B4GALT6: variants seen among roughly 807,000 people sequenced by gnomAD.
The protein encoded by B4GALT6 is beta-1,4-galactosyltransferase 6.
Under a neutral mutation model 46.3 loss-of-function variants are expected in B4GALT6, and 14 were observed. The ratio of observed to expected loss-of-function variants is 0.30; its 90% CI spans 0.20 to 0.47. The LOEUF (loss-of-function observed/expected upper bound fraction) is 0.47, where lower values mean the gene tolerates loss of function less well. Ranked by LOEUF, B4GALT6 falls within the 20% of genes least tolerant of loss-of-function variation. The pLI, the probability that B4GALT6 is intolerant of heterozygous loss-of-function variation, is 0.99. For missense variants in B4GALT6, 386 were observed against 480.1 expected, an observed-to-expected ratio of 0.80 and a Z score of 1.83; for synonymous variants, 168 against 162.0, an observed-to-expected ratio of 1.04 and a Z score of -0.28.
the B4GALT6 span, among the ~76,000 whole-genome samples, chr18:31,712,839 T>C: frequency 2.6e-5 from 4 of 152,228 alleles, no homozygotes; most frequent in Non-Finnish European, 5.9e-5. Context: ...GCGAACATCA[T>C]CTTGACAAGC....
rs34683195 is a variant in B4GALT6, at chr18:31,625,628, T to C, written c.1135A>G (p.Ile379Val). The stretch of plus-strand genomic sequence containing the variant: ...AGCCACTTCTTTTAATAGTCTTCGA[T>C]TGGAGCTAACTCTGGCATGAGGTTT... ...SVNLMPELAPIEDY is the reference protein window; with the variant it reads ...SVNLMPELAPVEDY Residue 379 changes from isoleucine to valine, a missense_variant, in exon 9 of 9, where the codon ATC (isoleucine) becomes GTC (valine). Transcript: ENST00000306851. The C allele has an allele frequency of 0.036, 57,471 of 1,613,196 alleles. 1,149 individuals carry two copies. The highest frequency in any genetic ancestry group is 0.053 in the Middle Eastern group (324 of 6,062).
At chr18:31,640,193 TGTGA>T (rs2073912418) in intron 4 of B4GALT6, among the ~76,000 whole-genome samples, 1 of 152,076 alleles carries the variant, frequency 6.6e-6, no homozygotes, top group Non-Finnish European at 1.5e-5. Context: ...AACAGAATAT[TGTGA>T]AAGAATATTA....
At chr18:31,626,947 T>C in intron 7 of B4GALT6, 52 bp downstream of exon 7, 1 of 1,505,296 alleles carries the variant, frequency 6.6e-7, no homozygotes. Flanking sequence ...TTACCTAATA[T>C]AAATAAGATT....
At chr18:31,644,713 G>C (rs1241804244) in intron 4 of B4GALT6, among the ~76,000 whole-genome samples, 3 of 152,112 alleles carry the variant, frequency 2.0e-5, no homozygotes, top group Non-Finnish European at 4.4e-5. Context: ...AGCAGCAGAG[G>C]CAAACCCACC....
intron 4 of B4GALT6, among the ~76,000 whole-genome samples, chr18:31,641,806 T>G (rs952061018): frequency 7.2e-5 from 11 of 152,220 alleles, no homozygotes; most frequent in African/African-American, 2.7e-4. Context: ...ATGCACCATT[T>G]TTTCCCTTGC....
chr18:31,661,413 T>A (rs1285229823), intron 2 of B4GALT6, among the ~76,000 whole-genome samples: 1 of 152,212 alleles, frequency 6.6e-6, no homozygotes, highest in Non-Finnish European at 1.5e-5. Flanking sequence ...TATTACATTA[T>A]ACCCTTTTCT....
intron 1 of B4GALT6, among the ~76,000 whole-genome samples, chr18:31,678,798 T>C (rs2074446391): frequency 6.6e-6 from 1 of 152,220 alleles, no homozygotes; most frequent in South Asian, 2.1e-4. Context: ...ATGCCCAAGT[T>C]TCCCCTGGCC....
intron 3 of B4GALT6, among the ~76,000 whole-genome samples, chr18:31,651,259 A>G (rs2074063365): frequency 6.6e-6 from 1 of 152,136 alleles, no homozygotes; most frequent in Non-Finnish European, 1.5e-5. Context: ...TTTACCTAAT[A>G]AACAGCACTA....
chr18:31,701,878 A>G, the B4GALT6 span, among the ~76,000 whole-genome samples: 1 of 152,200 alleles, frequency 6.6e-6, no homozygotes, highest in African/African-American at 2.4e-5. Context: ...AATATTTAAA[A>G]AAGCACTTAC....
chr18:31,677,295 A>G (rs1469708756), intron 1 of B4GALT6, among the ~76,000 whole-genome samples: 1 of 152,218 alleles, frequency 6.6e-6, no homozygotes, highest in Non-Finnish European at 1.5e-5. Context: ...TAACTCTCCT[A>G]TTTCAACTGA....
intron 5 of B4GALT6, among the ~76,000 whole-genome samples, chr18:31,636,343 G>C (rs2073858509): frequency 6.6e-6 from 1 of 152,136 alleles, no homozygotes; most frequent in Non-Finnish European, 1.5e-5. Flanking sequence ...GCAAGCCATA[G>C]ACTATATTTG....
rs549682833 is a variant in B4GALT6, at chr18:31,663,371, C to T, written c.232+2885G>A. Among the ~76,000 whole-genome samples the T allele has an allele frequency of 2.6e-5, 4 of 152,324 alleles. No individual in the cohort carries two copies. The South Asian group carries it at 8.3e-4, about 32-fold the overall frequency. The stretch of plus-strand genomic sequence containing the variant: ...GGGTTATTTCCAACAAACCTATCCA[C>T]TCTAACATTGCATGGCCCTTATCTG... On this transcript the variant is annotated intron_variant, in intron 2 of 8. Coordinates refer to ENST00000306851, the MANE Select transcript of B4GALT6 (RefSeq NM_004775.5).
chr18:31,625,835 A>G (rs1317175886), intron 8 of B4GALT6, 74 bp from the exon 9 acceptor site: 1 of 1,280,796 alleles, frequency 7.8e-7, no homozygotes, highest in African/African-American at 1.5e-5. Flanking sequence ...GACTGTGTTC[A>G]AGGTCATCTT....
rs2073642575 is a variant in B4GALT6, at chr18:31,623,340, A to C, written c.*2274T>G. Reference sequence around the variant, plus strand: ...AAAACAAACAAACAAAAAGCAAACGAGGTGGTTTTCACAGGATGACAAACT... The same window carrying C: ...AAAACAAACAAACAAAAAGCAAACGCGGTGGTTTTCACAGGATGACAAACT... On this transcript the variant is annotated 3_prime_UTR_variant, in exon 9 of 9. Transcript: ENST00000306851. 6.6e-6 allele frequency: 1 copy of C among 152,570 alleles called. No individual in the cohort carries two copies. The highest frequency in any genetic ancestry group is 2.4e-5 in the African/African-American group (1 of 41,574). The allele number at this position is 152,570 out of a possible 1,614,324, so 9.5% of individuals were successfully genotyped here.
At chr18:31,670,669 ATGG>A (rs1598922161) in intron 1 of B4GALT6, among the ~76,000 whole-genome samples, 1 of 152,340 alleles carries the variant, frequency 6.6e-6, no homozygotes, top group East Asian at 1.9e-4. Flanking sequence ...CAGCATGAGA[ATGG>A]TTCCAATTGT....
At chr18:31,679,788 A>G (rs2074458724) in intron 1 of B4GALT6, among the ~76,000 whole-genome samples, 1 of 152,206 alleles carries the variant, frequency 6.6e-6, no homozygotes, top group South Asian at 2.1e-4. Flanking sequence ...CAAAGACGTG[A>G]CTTTCTATAC....
chr18:31,669,289 T>G (rs1168615019), intron 1 of B4GALT6, among the ~76,000 whole-genome samples: 8 of 152,320 alleles, frequency 5.3e-5, no homozygotes, highest in African/African-American at 1.9e-4. Context: ...CCTTTTGTAT[T>G]TAAATTTGAA....
chr18:31,699,033 G>A, the B4GALT6 span, among the ~76,000 whole-genome samples: 1 of 150,430 alleles, frequency 6.6e-6, no homozygotes, highest in Non-Finnish European at 1.5e-5. Flanking sequence ...CACCACTGCA[G>A]CCTGGGTGAC....
upstream of B4GALT6, among the ~76,000 whole-genome samples, chr18:31,690,716 C>T (rs531157939): frequency 6.6e-6 from 1 of 152,046 alleles, no homozygotes; most frequent in African/African-American, 2.4e-5. Context: ...GGTGATCTGC[C>T]TGCCTTGGCC....
Sources: gnomAD v4.1 joint callset for allele counts (sites outside exome capture counted in the v4.1 genomes callset) on GRCh38, gnomAD v4.1.1 for gene constraint, MANE v1.5 for transcripts, NCBI Gene and HGNC (gene_info 2026-07-23, HGNC 2026-07-21) for gene names.